Variants in SEMA6D observed in about 807,000 individuals in gnomAD.
SEMA6D encodes the protein semaphorin 6D.
A neutral mutation model predicts 106.6 loss-of-function variants in SEMA6D; 35 were observed. The ratio of observed to expected loss-of-function variants is 0.33; its 90% confidence interval spans 0.25 to 0.44. The LOEUF (loss-of-function observed/expected upper bound fraction) is 0.44. SEMA6D is among the 20% of genes least tolerant of loss of function. SEMA6D has a pLI of 1.00. For synonymous variants in SEMA6D, 499 were observed against 487.7 expected (o/e 1.02, Z -0.31); for missense variants, 1,185 against 1,345.9 (o/e 0.88, Z 1.87).
At chr15:47,588,674 G>A (rs574259551) in intron 3 of SEMA6D, among the ~76,000 whole-genome samples, 40 of 152,298 alleles carry the variant, frequency 2.6e-4, no homozygotes, top group Admixed American at 5.2e-4. Flanking sequence ...TTGTGGCTCC[G>A]TCTGTGAAGG....
intron 3 of SEMA6D, among the ~76,000 whole-genome samples, chr15:47,538,447 G>A (rs1327513510): frequency 1.3e-5 from 2 of 152,142 alleles, no homozygotes; most frequent in African/African-American, 2.4e-5. Flanking sequence ...AGCCCCATAT[G>A]TCTTGTATCT....
chr15:47,754,675 T>C (rs1431889099), intron 1 of SEMA6D, among the ~76,000 whole-genome samples: 1 of 152,200 alleles, frequency 6.6e-6, no homozygotes, highest in Non-Finnish European at 1.5e-5. Flanking sequence ...ATCATATCAG[T>C]TTTGAAAATG....
At chr15:47,635,021 A>T (rs192420868) in intron 4 of SEMA6D, among the ~76,000 whole-genome samples, 156 of 152,288 alleles carry the variant, frequency 1.0e-3, no homozygotes, top group African/African-American at 3.6e-3. Flanking sequence ...AACAGATAGT[A>T]CATCCAAGAT....
At chr15:47,275,396 A>C (rs1354581150) in intron 1 of SEMA6D, among the ~76,000 whole-genome samples, 4 of 152,116 alleles carry the variant, frequency 2.6e-5, no homozygotes. Context: ...TTACAAATTG[A>C]GGGCAACTCT....
At chr15:47,185,305 A>G (rs550764283) in intron 1 of SEMA6D, among the ~76,000 whole-genome samples, 1 of 152,306 alleles carries the variant, frequency 6.6e-6, no homozygotes, top group African/African-American at 2.4e-5. Context: ...TGAGTGCGAA[A>G]CTTAGATCTG....
chr15:47,356,953 G>C (rs948513373), intron 1 of SEMA6D, among the ~76,000 whole-genome samples: 1 of 152,156 alleles, frequency 6.6e-6, no homozygotes, highest in African/African-American at 2.4e-5. Context: ...TCATATAGGG[G>C]AATAGAGATA....
At chr15:47,672,881 T>C (rs2078165414) in intron 4 of SEMA6D, among the ~76,000 whole-genome samples, 1 of 152,204 alleles carries the variant, frequency 6.6e-6, no homozygotes, top group Non-Finnish European at 1.5e-5. Flanking sequence ...TTAAATGATA[T>C]TTGGAAATGT....
intron 1 of SEMA6D, among the ~76,000 whole-genome samples, chr15:47,320,338 C>T (rs2036876071): frequency 6.6e-6 from 1 of 152,188 alleles, no homozygotes; most frequent in Non-Finnish European, 1.5e-5. Flanking sequence ...TGTTCAGATT[C>T]TCTCTCTATT....
intron 9 of SEMA6D, 139 bp from the exon 10 acceptor site, chr15:47,763,711 C>A (rs1441989157): frequency 3.9e-6 from 3 of 762,194 alleles, no homozygotes; most frequent in Non-Finnish European, 6.9e-6. Flanking sequence ...CTGAACAGAT[C>A]CCTAGAGAGA....
intron 1 of SEMA6D, among the ~76,000 whole-genome samples, chr15:47,256,395 T>G (rs1419295695): frequency 6.6e-6 from 1 of 152,234 alleles, no homozygotes; most frequent in East Asian, 1.9e-4. Context: ...TTTTGTAATT[T>G]TCTGCATACA....
chr15:47,326,357 A>G (rs2037129448), intron 1 of SEMA6D, among the ~76,000 whole-genome samples: 1 of 152,206 alleles, frequency 6.6e-6, no homozygotes, highest in South Asian at 2.1e-4. Context: ...AGAAAGAAAA[A>G]GAGATCATTT....
intron 1 of SEMA6D, among the ~76,000 whole-genome samples, chr15:47,206,402 A>G (rs1367381898): frequency 6.6e-6 from 1 of 152,174 alleles, no homozygotes; most frequent in African/African-American, 2.4e-5. Context: ...CAGGGTTACA[A>G]TACCAGTTGA....
chr15:47,657,858 A>G (rs1477754253), intron 4 of SEMA6D, among the ~76,000 whole-genome samples: 1 of 147,904 alleles, frequency 6.8e-6, no homozygotes, highest in African/African-American at 2.5e-5. Flanking sequence ...CTCCTGCCTC[A>G]GCCTCCCGAG....
chr15:47,477,722 C>T (rs1372161760), intron 3 of SEMA6D, among the ~76,000 whole-genome samples: 3 of 152,004 alleles, frequency 2.0e-5, no homozygotes, highest in Non-Finnish European at 4.4e-5. Context: ...TTTAACTAAC[C>T]ATTCTCTATA....
At chr15:47,575,382 G>A (rs2076138827) in intron 3 of SEMA6D, among the ~76,000 whole-genome samples, 1 of 152,122 alleles carries the variant, frequency 6.6e-6, no homozygotes, top group Non-Finnish European at 1.5e-5. Context: ...TATGGGGTAG[G>A]GTGAGGGCAC....
At chr15:47,478,499 A>G (rs982660013) in intron 3 of SEMA6D, among the ~76,000 whole-genome samples, 1 of 152,210 alleles carries the variant, frequency 6.6e-6, no homozygotes, top group African/African-American at 2.4e-5. Context: ...GAGAAAGAAT[A>G]ATGCTAACCA....
At chr15:47,524,887 C>G (rs934923909) in intron 3 of SEMA6D, among the ~76,000 whole-genome samples, 1 of 152,116 alleles carries the variant, frequency 6.6e-6, no homozygotes, top group Non-Finnish European at 1.5e-5. Flanking sequence ...ACTCAGTGAA[C>G]CAGGTAGGGC....
At chr15:47,541,557 G>A (rs1461951965) in intron 3 of SEMA6D, among the ~76,000 whole-genome samples, 3 of 152,142 alleles carry the variant, frequency 2.0e-5, no homozygotes, top group African/African-American at 4.8e-5. Flanking sequence ...GAGAGAAATG[G>A]TAGAGGGGAA....
intron 4 of SEMA6D, among the ~76,000 whole-genome samples, chr15:47,705,758 C>G (rs1164869352): frequency 6.6e-6 from 1 of 152,184 alleles, no homozygotes; most frequent in African/African-American, 2.4e-5. Flanking sequence ...CTTACGCTAT[C>G]AAGAGGTAAG....
Sources: gnomAD v4.1 joint callset for allele counts (sites outside exome capture counted in the v4.1 genomes callset) on GRCh38, gnomAD v4.1.1 for gene constraint, MANE v1.5 for transcripts, NCBI Gene and HGNC (gene_info 2026-07-23, HGNC 2026-07-21) for gene names.